CPED1: variants seen among roughly 807,000 people sequenced by gnomAD.
CPED1 encodes the protein cadherin like and PC-esterase domain containing 1.
CPED1 carries 114 observed loss-of-function variants against 128.2 expected under a neutral mutation model. The observed-to-expected ratio is 0.89, with a 90% confidence interval of 0.76 to 1.04. The LOEUF (loss-of-function observed/expected upper bound fraction) is 1.04, where lower values mean the gene tolerates loss of function less well. Among genes scored for constraint, CPED1 ranks in the 50% least tolerant of loss-of-function variants. CPED1 has a pLI of 0.00. For synonymous variants in CPED1, 462 were observed against 426.7 expected, an observed-to-expected ratio of 1.08 and a Z score of -1.02; for missense variants, 1,211 against 1,207.1, an observed-to-expected ratio of 1.00 and a Z score of -0.05.
chr7:121,109,694 A>T (rs1197019349), intron 7 of CPED1, among the ~76,000 whole-genome samples: 1 of 152,044 alleles, frequency 6.6e-6, no homozygotes, highest in African/African-American at 2.4e-5. Flanking sequence ...TCTACTAGAA[A>T]TTTTTTCAGA....
chr7:121,258,151 G>A (rs1395845258), intron 18 of CPED1, among the ~76,000 whole-genome samples: 1 of 152,064 alleles, frequency 6.6e-6, no homozygotes, highest in Non-Finnish European at 1.5e-5. Context: ...TGCAATATCA[G>A]TTACCCTAAT....
chr7:121,039,708 T>C (rs1173304876), intron 3 of CPED1, among the ~76,000 whole-genome samples: 1 of 152,000 alleles, frequency 6.6e-6, no homozygotes, highest in African/African-American at 2.4e-5. Flanking sequence ...ATGACATAAA[T>C]GGCATGAACA....
intron 16 of CPED1, among the ~76,000 whole-genome samples, chr7:121,174,650 G>A (rs552785602): frequency 7.9e-5 from 12 of 152,204 alleles, no homozygotes; most frequent in African/African-American, 2.6e-4. Flanking sequence ...TTGAAGTCAG[G>A]TAACATGATG....
chr7:121,294,870 A>C (rs930124781), intron 22 of CPED1, among the ~76,000 whole-genome samples: 9 of 152,088 alleles, frequency 5.9e-5, no homozygotes, highest in Admixed American at 4.6e-4. Context: ...CGAAGTTATT[A>C]GTTTAATAGT....
intron 2 of CPED1, among the ~76,000 whole-genome samples, chr7:120,998,875 G>T (rs954187372): frequency 6.6e-6 from 1 of 151,872 alleles, no homozygotes; most frequent in African/African-American, 2.4e-5. Context: ...CTGGGGATGG[G>T]GAGGAGTGAG....
chr7:121,136,024 TTC>T lies in CPED1; in HGVS notation c.1649-14_1649-13del. On this transcript the variant is annotated splice_polypyrimidine_tract_variant and intron_variant, in intron 13 of 22. Coordinates refer to ENST00000310396, the MANE Select transcript of CPED1 (RefSeq NM_024913.5). ...AATGGTTTTTATTTTAAATTTACAT[TTC>T]TTTTTTTTTTTAGCTGCAGTTCCAC... 1.3e-6 allele frequency: 2 copies of T among 1,504,142 alleles called. No individual in the cohort carries two copies. Among genetic ancestry groups the T allele is most frequent in the South Asian group, 1.3e-5 (1 of 76,890 alleles). The allele number at this position is 1,504,142 out of a possible 1,614,324, so 93.2% of individuals were successfully genotyped here.
chr7:121,002,350 A>G (rs189524785), intron 2 of CPED1, among the ~76,000 whole-genome samples: 71 of 152,276 alleles, frequency 4.7e-4, no homozygotes, highest in African/African-American at 1.4e-3. Context: ...CAAAGCATCA[A>G]TCAGAAAGCT....
At chr7:121,164,923 T>C (rs1320873520) in intron 16 of CPED1, among the ~76,000 whole-genome samples, 1 of 152,210 alleles carries the variant, frequency 6.6e-6, no homozygotes, top group African/African-American at 2.4e-5. Context: ...TCACTCTGTA[T>C]TCTTTATGAC....
chr7:121,034,429 G>A (rs530792761), intron 3 of CPED1, among the ~76,000 whole-genome samples: 30 of 151,744 alleles, frequency 2.0e-4, no homozygotes. Context: ...TATATTTTTA[G>A]TAGAGATGTA....
At chr7:121,114,737 A>G (rs1795194527) in intron 7 of CPED1, among the ~76,000 whole-genome samples, 1 of 152,250 alleles carries the variant, frequency 6.6e-6, no homozygotes, top group Non-Finnish European at 1.5e-5. Flanking sequence ...CCTTGGCCAT[A>G]TGTCAAAAGA....
chr7:121,137,270 C>G (rs1795805370), intron 14 of CPED1, among the ~76,000 whole-genome samples: 1 of 151,986 alleles, frequency 6.6e-6, no homozygotes, highest in Non-Finnish European at 1.5e-5. Flanking sequence ...TTCCTGGGCA[C>G]AAGCAATCCT....
rs1792823967 is a variant in CPED1 at position 121,296,334 on chromosome 7, CTT to C, written c.*683_*684del. ...CTTGTGTTTTTCATAAACATTCCCT[CTT>C]GTCTTATCTGTGTACTTCGATGGGT... On this transcript the variant is annotated 3_prime_UTR_variant, in exon 23 of 23. Coordinates refer to ENST00000310396, the MANE Select transcript of CPED1 (RefSeq NM_024913.5). The C allele has an allele frequency of 6.6e-6, 1 of 152,184 alleles. No individual in the cohort carries two copies. The allele number at this position is 152,184 out of a possible 1,614,324, so 9.4% of individuals were successfully genotyped here.
chr7:121,255,616 AAACT>A (rs1791819468), intron 18 of CPED1, among the ~76,000 whole-genome samples: 2 of 152,034 alleles, frequency 1.3e-5, no homozygotes, highest in African/African-American at 4.8e-5. Flanking sequence ...AAAAAAAGTC[AAACT>A]AACTCTCTTT....
chr7:120,991,787 G>A (rs565862812), intron 2 of CPED1, among the ~76,000 whole-genome samples: 18 of 152,174 alleles, frequency 1.2e-4, no homozygotes, highest in Middle Eastern at 3.4e-3. Flanking sequence ...GATGAATTTC[G>A]TTTAAAAATG....
At chr7:121,177,663 C>T (rs1796814401) in intron 16 of CPED1, among the ~76,000 whole-genome samples, 1 of 151,950 alleles carries the variant, frequency 6.6e-6, no homozygotes, top group African/African-American at 2.4e-5. Context: ...TTCCAAAGAG[C>T]AGTGAGGAGA....
intron 2 of CPED1, among the ~76,000 whole-genome samples, chr7:121,008,002 C>G (rs943060245): frequency 1.3e-5 from 2 of 151,386 alleles, no homozygotes; most frequent in Non-Finnish European, 2.9e-5. Flanking sequence ...TTCTTTACCT[C>G]TTTTTTTTAA....
Position 121,282,593 on chromosome 7 carries a change from T to C in CPED1, c.2868+11163T>C, listed in dbSNP as rs184712883. Among the ~76,000 whole-genome samples the C allele has an allele frequency of 5.3e-5, 8 of 152,334 alleles. No individual in the cohort carries two copies. In the East Asian group the frequency reaches 1.3e-3, roughly 26 times the overall value. On this transcript the variant is annotated intron_variant, in intron 22 of 22. Transcript: ENST00000310396. ...AAGTAAAATAAGGTAATATTTTGAA[T>C]CTCAGGGACTCAGAAACAGCAGTTT...
chr7:121,228,473 A>G (rs975462948), intron 16 of CPED1, among the ~76,000 whole-genome samples: 1 of 151,990 alleles, frequency 6.6e-6, no homozygotes, highest in Admixed American at 6.6e-5. Context: ...CTATTATTAA[A>G]AAGACAAAAA....
intron 17 of CPED1, among the ~76,000 whole-genome samples, chr7:121,238,880 A>G (rs1179205848): frequency 2.0e-5 from 3 of 151,950 alleles, no homozygotes; most frequent in Admixed American, 1.3e-4. Flanking sequence ...CCATCTTCCA[A>G]TGTCTAATAT....
Sources: gnomAD v4.1 joint callset for allele counts (sites outside exome capture counted in the v4.1 genomes callset) on GRCh38, gnomAD v4.1.1 for gene constraint, MANE v1.5 for transcripts, NCBI Gene and HGNC (gene_info 2026-07-23, HGNC 2026-07-21) for gene names.